ANP32A: variants seen among roughly 807,000 people sequenced by gnomAD.
ANP32A encodes acidic leucine-rich nuclear phosphoprotein 32 family member A.
A neutral mutation model predicts 33.9 loss-of-function variants in ANP32A; 1 was observed. The ratio of observed to expected loss-of-function variants is 0.03; its 90% CI spans 0.01 to 0.14. ANP32A has a LOEUF of 0.14. Among genes scored for constraint, ANP32A ranks in the 10% least tolerant of loss-of-function variants. The pLI, the probability that ANP32A is intolerant of heterozygous loss-of-function variation, is 1.00. For synonymous variants in ANP32A, 115 were observed against 120.5 expected (o/e 0.95, Z 0.30); for missense variants, 155 against 306.0 (o/e 0.51, Z 3.68).
chr15:68,800,224 G>A (rs764938105), intron 1 of ANP32A, among the ~76,000 whole-genome samples: 1 of 152,198 alleles, frequency 6.6e-6, no homozygotes, highest in East Asian at 1.9e-4. Context: ...TTCTTCTTAA[G>A]CATTACTTGC....
At chr15:68,810,637 C>T (rs372419462) in intron 1 of ANP32A, among the ~76,000 whole-genome samples, 3 of 152,160 alleles carry the variant, frequency 2.0e-5, no homozygotes, top group East Asian at 1.9e-4. Flanking sequence ...GAATGCCCAG[C>T]GCCCAAGTTT....
At chr15:68,781,540 A>C (rs745330380) in intron 5 of ANP32A, 2 of 151,676 alleles carry the variant, frequency 1.3e-5, no homozygotes, top group African/African-American at 2.4e-5. Flanking sequence ...TGAGCCTAAG[A>C]GTCTAGACCT....
At chr15:68,787,695 T>C (rs1159031285) in intron 2 of ANP32A, 75 bp downstream of exon 2, 50 of 1,600,496 alleles carry the variant, frequency 3.1e-5, no homozygotes, top group Non-Finnish European at 4.3e-5. Flanking sequence ...TCAATTACTC[T>C]TTCTAAACAT....
chr15:68,795,444 G>A (rs1055736769), intron 1 of ANP32A, among the ~76,000 whole-genome samples: 4 of 152,202 alleles, frequency 2.6e-5, no homozygotes, highest in East Asian at 1.9e-4. Context: ...GCGCTGCAGC[G>A]GTAATTAAGC....
rs1362948453 is a variant in ANP32A, at chr15:68,793,188, A to G, written c.55-5269T>C. On this transcript the variant is annotated intron_variant, in intron 1 of 6. Transcript: ENST00000465139. Reference sequence around the variant, plus strand: ...CAGCCTACCAGGGAGCGGAGACCAGAGCAACTGCTTAACAAATGTCCTGTT... The same window carrying G: ...CAGCCTACCAGGGAGCGGAGACCAGGGCAACTGCTTAACAAATGTCCTGTT... 2.0e-5 allele frequency among the ~76,000 whole-genome samples: 3 copies of G among 152,324 alleles called. No individual in the cohort carries two copies. The East Asian group carries it at 5.8e-4, about 29-fold the overall frequency.
At position 68,780,456 on chromosome 15, in the gene ANP32A, A is replaced by G; in HGVS notation, c.642T>C (p.Tyr214=). ...CCTCGTCATCTACCTCTCCATCGTT[A>G]TAACCTTCTTCATCCTCCTAGGAGA... The part of the protein sequence containing the change: ...SGEEEEDEEG[Y]NDGEVDDEED... Residue 214 remains tyrosine, a synonymous_variant, in exon 6 of 7, where the codon TAT becomes TAC. Transcript: ENST00000465139. The surrounding 1 kb of genome is among the most constrained non-coding windows in gnomAD (Gnocchi z 4.3). The G allele has an allele frequency of 6.2e-7, 1 of 1,613,994 alleles. No individual in the cohort carries two copies. Among genetic ancestry groups the G allele is most frequent in the South Asian group, 1.1e-5 (1 of 91,090 alleles).
Position 68,780,077 on chromosome 15 carries a change from C to G in ANP32A, c.*4G>C, listed in dbSNP as rs1358701433. ...TAGGAATTTTTCAAAATAGGTTATT[C>G]CACTTAGTCATCATCTTCTCCCTCA... On this transcript the variant is annotated 3_prime_UTR_variant, in exon 7 of 7. Coordinates refer to ENST00000465139, the MANE Select transcript of ANP32A (RefSeq NM_006305.4). The surrounding 1 kb of genome is among the most constrained non-coding windows in gnomAD (Gnocchi z 4.3). The G allele has an allele frequency of 6.2e-7, 1 of 1,613,232 alleles. No homozygotes were observed. Among genetic ancestry groups the G allele is most frequent in the Non-Finnish European group, 8.5e-7 (1 of 1,179,458 alleles).
At chr15:68,782,732 A>C (rs1038247067) in intron 5 of ANP32A, 3 of 764,226 alleles carry the variant, frequency 3.9e-6, no homozygotes, top group Non-Finnish European at 6.0e-6. Flanking sequence ...CTGCCTCTAA[A>C]ATCCTCTTCC....
chr15:68,820,714 T>C lies in ANP32A; in HGVS notation c.38A>G (p.Asn13Ser). Residue 13 changes from asparagine to serine, a missense_variant, in exon 1 of 7, where the codon AAC becomes AGC. Asn to Ser is a conservative substitution (Grantham distance 46). This residue lies in a region of ANP32A where 7 missense variants were observed against 21.3 expected (regional missense o/e 0.33). Transcript: ENST00000465139. ...MGRRIHLELR[N>S]RTPSDVKELV... Reference sequence around the variant, plus strand: ...AATGCTCACATCAGAGGGCGTCCTGTTCCGCAGCTCTAAATGAATCCGTCT... The same window carrying C: ...AATGCTCACATCAGAGGGCGTCCTGCTCCGCAGCTCTAAATGAATCCGTCT... The C allele has an allele frequency of 6.2e-7, 1 of 1,610,368 alleles. No homozygotes were observed. Among genetic ancestry groups the C allele is most frequent in the Non-Finnish European group, 8.5e-7 (1 of 1,178,068 alleles).
intron 5 of ANP32A, among the ~76,000 whole-genome samples, chr15:68,781,856 G>A (rs1893872461): frequency 6.6e-6 from 1 of 152,118 alleles, no homozygotes; most frequent in Non-Finnish European, 1.5e-5. Flanking sequence ...CGCCCGCCTC[G>A]GCCTCCCAAA....
intron 4 of ANP32A, among the ~76,000 whole-genome samples, chr15:68,783,493 G>A (rs1893895677): frequency 6.6e-6 from 1 of 152,178 alleles, no homozygotes; most frequent in South Asian, 2.1e-4. Context: ...TCCCGGGACT[G>A]CCAGTTTTGG....
chr15:68,803,059 A>G (rs1187108369), intron 1 of ANP32A, among the ~76,000 whole-genome samples: 1 of 152,126 alleles, frequency 6.6e-6, no homozygotes, highest in Non-Finnish European at 1.5e-5. Flanking sequence ...TGAGGGTACA[A>G]TGATAAAGGT....
chr15:68,787,803 G>A lies in ANP32A; in HGVS notation c.171C>T (p.Ile57=), dbSNP rs370366169. Residue 57 remains isoleucine (I), a synonymous_variant, in exon 2 of 7, where the codon ATC becomes ATT. Transcript: ENST00000465139. The part of the protein sequence containing the change: ...LSTINVGLTS[I]ANLPKLNKLK... ...GTTTGTTTAACTTTGGTAAGTTTGC[G>A]ATTGAGGTGAGGCCTACGTTGATTG... 2.5e-4 allele frequency: 402 copies of A among 1,613,916 alleles called. No individual in the cohort carries two copies. The highest frequency in any genetic ancestry group is 3.2e-4 in the Non-Finnish European group (383 of 1,180,032).
chr15:68,793,656 C>A (rs142193205), intron 1 of ANP32A, among the ~76,000 whole-genome samples: 1 of 152,188 alleles, frequency 6.6e-6, no homozygotes, highest in Admixed American at 6.5e-5. Context: ...CCAGATAGAA[C>A]AGGCATGCTA....
Position 68,820,884 on chromosome 15 carries a change from G to C in ANP32A, c.-133C>G, listed in dbSNP as rs1894466669. 7 of 1,079,572 alleles carry C rather than the reference G, an allele frequency of 6.5e-6. No homozygotes were observed. Among genetic ancestry groups the C allele is most frequent in the Non-Finnish European group, 9.6e-6 (7 of 732,150 alleles). 66.9% of individuals were successfully genotyped at this position (1,079,572 alleles called of 1,614,324 possible). On this transcript the variant is annotated 5_prime_UTR_variant, in exon 1 of 7. Coordinates refer to ENST00000465139, the MANE Select transcript of ANP32A (RefSeq NM_006305.4). ...CTCGGTTCTCGAGCCCCCAGCACCC[G>C]CGGCGCACACTAACCTGATCGCCGT...
At chr15:68,798,397 G>A (rs979364084) in intron 1 of ANP32A, among the ~76,000 whole-genome samples, 20 of 152,352 alleles carry the variant, frequency 1.3e-4, no homozygotes, top group African/African-American at 4.1e-4. Flanking sequence ...CGTGGTGTAA[G>A]CGTCTGCCCC....
At chr15:68,810,006 G>A (rs777161981) in intron 1 of ANP32A, among the ~76,000 whole-genome samples, 1 of 152,162 alleles carries the variant, frequency 6.6e-6, no homozygotes, top group Non-Finnish European at 1.5e-5. Context: ...AGAGTTTTCT[G>A]GCAAAAGAAC....
chr15:68,807,700 C>G (rs2924630), intron 1 of ANP32A, among the ~76,000 whole-genome samples: 18,151 of 152,096 alleles, frequency 0.12, 2,299 homozygotes, highest in African/African-American at 0.31. Context: ...GTGCTAACAA[C>G]AAGCTCTGGG....
At chr15:68,787,973 G>A in intron 1 of ANP32A, 54 bp from the exon 2 acceptor site, 1 of 1,611,048 alleles carries the variant, frequency 6.2e-7, no homozygotes, top group South Asian at 1.1e-5. Context: ...CTGAAGCAGG[G>A]GGAGGGTGTT....
Sources: gnomAD v4.1 joint callset for allele counts (sites outside exome capture counted in the v4.1 genomes callset) on GRCh38, gnomAD v4.1.1 for gene constraint, gnomAD v4.1.1 regional missense constraint, Gnocchi (gnomAD v3.1) non-coding constraint, MANE v1.5 for transcripts, NCBI Gene and HGNC (gene_info 2026-07-23, HGNC 2026-07-21) for gene names.